The following STAT4 variants were observed in gnomAD, a reference collection of about 807,000 sequenced individuals.
STAT4 encodes the protein signal transducer and activator of transcription 4.
Under a neutral mutation model 110.5 loss-of-function variants are expected in STAT4, and 42 were observed. The observed-to-expected ratio is 0.38, with a 90% CI of 0.30 to 0.49. STAT4 has a LOEUF of 0.49. STAT4 is among the 20% of genes least tolerant of loss of function. The probability of loss-of-function intolerance (pLI) is 0.95; values close to 1 mark genes in which losing one functional copy is unlikely to be tolerated. For missense variants in STAT4, 632 were observed against 887.9 expected (o/e 0.71, Z 3.66); for synonymous variants, 284 against 302.2 (o/e 0.94, Z 0.63).
In STAT4 at chr2:191,121,108, G is replaced by A. The variant is rs560142698; in HGVS notation, c.273+25505C>T. Among the ~76,000 whole-genome samples, 1,493 of 152,202 alleles carry A rather than the reference G, an allele frequency of 9.8e-3. 18 individuals carry two copies. Among genetic ancestry groups the A allele is most frequent in the African/African-American group, 0.023 (963 of 41,544 alleles). On this transcript the variant is annotated intron_variant, in intron 3 of 23. Coordinates refer to ENST00000392320, the MANE Select transcript of STAT4 (RefSeq NM_003151.4). ...CAAACAACCCCATCAAAAAGTGGGC[G>A]AAGGATATGAACAGACACTTCTCAA...
At chr2:191,057,581 C>CTTTTTTTTTTTTTCT (rs1696733878) in intron 13 of STAT4, among the ~76,000 whole-genome samples, 3 of 121,328 alleles carry the variant, frequency 2.5e-5, no homozygotes, top group Non-Finnish European at 5.1e-5. Flanking sequence ...AATTTCTTTT[C>CTTTTTTTTTTTTTCT]TTTTTTTTTT....
intron 1 of STAT4, among the ~76,000 whole-genome samples, 199 bp from the exon 2 acceptor site, chr2:191,148,403 C>T (rs895754408): frequency 6.6e-6 from 1 of 152,060 alleles, no homozygotes; most frequent in Non-Finnish European, 1.5e-5. Context: ...TAAACTACAG[C>T]CTTCCTTGCT....
chr2:191,098,043 C>T (rs1452503603), intron 3 of STAT4, among the ~76,000 whole-genome samples: 1 of 152,090 alleles, frequency 6.6e-6, no homozygotes, highest in Non-Finnish European at 1.5e-5. Context: ...CAGAGAAATC[C>T]AAATCAAAAC....
intron 3 of STAT4, among the ~76,000 whole-genome samples, chr2:191,114,031 A>T (rs527538535): frequency 1.3e-5 from 2 of 152,342 alleles, no homozygotes; most frequent in African/African-American, 4.8e-5. Flanking sequence ...TGTGATATAC[A>T]GGAAGCTGCT....
At chr2:191,045,016 C>T (rs1046403055) in intron 14 of STAT4, among the ~76,000 whole-genome samples, 17 of 151,882 alleles carry the variant, frequency 1.1e-4, no homozygotes, top group Non-Finnish European at 1.9e-4. Flanking sequence ...ATTGAGTAAA[C>T]GAAAATATGT....
rs369239517 is a variant in STAT4 at position 191,142,557 on chromosome 2, A to G, written c.273+4056T>C. ...TCTAACATTCTATAGCAGGGTTAAT[A>G]TAGTTAACAACAATGTAATGTATAT... is the stretch of plus-strand genomic sequence containing the variant. On this transcript the variant is annotated intron_variant, in intron 3 of 23. Coordinates refer to ENST00000392320, the MANE Select transcript of STAT4 (RefSeq NM_003151.4). The surrounding 1 kb of genome is among the most constrained non-coding windows in gnomAD (Gnocchi z 4.1). Among the ~76,000 whole-genome samples the G allele has an allele frequency of 1.4e-4, 22 of 152,196 alleles. No homozygotes were observed. The East Asian group carries it at 4.0e-3, about 28-fold the overall frequency.
In STAT4 at chr2:191,043,604, A is replaced by G. The variant is rs1696267311; in HGVS notation, c.1252-2456T>C. Among the ~76,000 whole-genome samples the G allele has an allele frequency of 6.6e-6, 1 of 152,012 alleles. No homozygotes were observed. The highest frequency in any genetic ancestry group is 6.5e-5 in the Admixed American group (1 of 15,272). ...GCTACCAAATATATATAGGTCAAAG[A>G]TTTTTTGCACTCATTAAAAAAAAAA... On this transcript the variant is annotated intron_variant, in intron 14 of 23. Transcript: ENST00000392320. This position sits in a 1 kb window ranked among gnomAD's most constrained non-coding sequence, Gnocchi z 4.8.
chr2:191,110,079 A>C lies in STAT4; in HGVS notation c.274-33754T>G, dbSNP rs1698384891. Among the ~76,000 whole-genome samples the C allele has an allele frequency of 6.6e-6, 1 of 152,118 alleles. No individual in the cohort carries two copies. The highest frequency in any genetic ancestry group is 2.4e-5 in the African/African-American group (1 of 41,416). ...CTAGGATCCAACCACTGCACCTTCC[A>C]CAGGGCCCTGCATCAGATGCTGGCC... On this transcript the variant is annotated intron_variant, in intron 3 of 23. Coordinates refer to ENST00000392320, the MANE Select transcript of STAT4 (RefSeq NM_003151.4). The surrounding 1 kb of genome is among the most constrained non-coding windows in gnomAD (Gnocchi z 4.5).
intron 14 of STAT4, chr2:191,041,629 A>G (rs1696201105): frequency 6.6e-6 from 1 of 152,240 alleles, no homozygotes; most frequent in Non-Finnish European, 1.5e-5. Context: ...AGACACTCCA[A>G]TAAGGTAATA....
At position 191,046,982 on chromosome 2, in the gene STAT4, GA is replaced by G. The variant is rs1203577533; in HGVS notation, c.1252-5835del. ...GAACCAATCATGTGATTAGGAGTTGGAACTTCTACCCCACTCCCTGACCTCT... is the reference window on the plus strand; with the variant it reads ...GAACCAATCATGTGATTAGGAGTTGGACTTCTACCCCACTCCCTGACCTCT... On this transcript the variant is annotated intron_variant, in intron 14 of 23. Coordinates refer to ENST00000392320, the MANE Select transcript of STAT4 (RefSeq NM_003151.4). The surrounding 1 kb of genome is among the most constrained non-coding windows in gnomAD (Gnocchi z 4.6). Among the ~76,000 whole-genome samples the G allele has an allele frequency of 6.6e-6, 1 of 152,104 alleles. No homozygotes were observed. Among genetic ancestry groups the G allele is most frequent in the Non-Finnish European group, 1.5e-5 (1 of 68,020 alleles).
rs182978027 is a variant in STAT4 at position 191,132,632 on chromosome 2, C to G, written c.273+13981G>C. 3.1e-4 allele frequency among the ~76,000 whole-genome samples: 47 copies of G among 151,592 alleles called. 1 individual carries two copies. The highest frequency in any genetic ancestry group is 2.8e-4 in the Non-Finnish European group (19 of 67,986). ...GAAAATTGGCAGGTGGGGATGGGAA[C>G]GAGAAGTGGAAGCAAATTTAAGAAC... On this transcript the variant is annotated intron_variant, in intron 3 of 23. Coordinates refer to ENST00000392320, the MANE Select transcript of STAT4 (RefSeq NM_003151.4).
At chr2:191,124,463 A>AAC (rs2125399919) in intron 3 of STAT4, among the ~76,000 whole-genome samples, 6 of 151,698 alleles carry the variant, frequency 4.0e-5, no homozygotes, top group African/African-American at 1.5e-4. Flanking sequence ...CAAAAAAAAA[A>AAC]AAAAAAAAAA....
intron 3 of STAT4, among the ~76,000 whole-genome samples, chr2:191,102,851 C>CG (rs1698180507): frequency 1.3e-5 from 2 of 152,142 alleles, no homozygotes; most frequent in Non-Finnish European, 2.9e-5. Flanking sequence ...CATCAATTAT[C>CG]TGTGTGTTGG....
Position 191,083,131 on chromosome 2 carries a change from T to C in STAT4, c.274-6806A>G, listed in dbSNP as rs1697535283. On this transcript the variant is annotated intron_variant, in intron 3 of 23. Transcript: ENST00000392320. The surrounding 1 kb of genome is among the most constrained non-coding windows in gnomAD (Gnocchi z 4.6). ...TAACCAACAACTGTCCTAGCTTGGG[T>C]TTCTTCAGAAACTGACCTTGAGACA... Among the ~76,000 whole-genome samples, 1 of 151,972 alleles carries C rather than the reference T, an allele frequency of 6.6e-6. No homozygotes were observed. The highest frequency in any genetic ancestry group is 2.1e-4 in the South Asian group (1 of 4,814).
chr2:191,097,755 C>T (rs553270935), intron 3 of STAT4, among the ~76,000 whole-genome samples: 2 of 152,074 alleles, frequency 1.3e-5, no homozygotes, highest in Non-Finnish European at 2.9e-5. Flanking sequence ...GCAACAAAAG[C>T]CAAAATAGAC....
intron 3 of STAT4, among the ~76,000 whole-genome samples, chr2:191,098,751 G>A (rs1486453233): frequency 1.3e-5 from 2 of 152,234 alleles, no homozygotes; most frequent in African/African-American, 4.8e-5. Context: ...AGAACTTAAA[G>A]TATAATTTAA....
rs1290708806 is a variant in STAT4, at chr2:191,138,980, T to C, written c.273+7633A>G. The stretch of plus-strand genomic sequence containing the variant: ...AAGTCAATAAATATGATACATTACA[T>C]AAACAGAATTAGAAACAAAACCATA... On this transcript the variant is annotated intron_variant, in intron 3 of 23. Transcript: ENST00000392320. The surrounding 1 kb of genome is among the most constrained non-coding windows in gnomAD (Gnocchi z 4.3). Among the ~76,000 whole-genome samples, 1 of 151,990 alleles carries C rather than the reference T, an allele frequency of 6.6e-6. No individual in the cohort carries two copies. Among genetic ancestry groups the C allele is most frequent in the Non-Finnish European group, 1.5e-5 (1 of 67,988 alleles).
chr2:191,129,017 C>T (rs1165090723), intron 3 of STAT4, among the ~76,000 whole-genome samples: 2 of 152,078 alleles, frequency 1.3e-5, no homozygotes, highest in South Asian at 4.1e-4. Context: ...TGAATTTTTT[C>T]GACTGTGAGC....
In STAT4 at chr2:191,113,346, A is replaced by T. The variant is rs546294003; in HGVS notation, c.273+33267T>A. Among the ~76,000 whole-genome samples the T allele has an allele frequency of 5.0e-4, 76 of 152,264 alleles. No homozygotes were observed. Among genetic ancestry groups the T allele is most frequent in the Non-Finnish European group, 9.8e-4 (67 of 68,028 alleles). On this transcript the variant is annotated intron_variant, in intron 3 of 23. Coordinates refer to ENST00000392320, the MANE Select transcript of STAT4 (RefSeq NM_003151.4). The surrounding 1 kb of genome is among the most constrained non-coding windows in gnomAD (Gnocchi z 4.8). ...CATCTGAACTTGTCTCTTAGTACCT[A>T]TATTACAGTTGTTCCTTTGATCTTG... is the stretch of plus-strand genomic sequence containing the variant.
Sources: allele counts gnomAD v4.1 joint callset (sites outside exome capture counted in the v4.1 genomes callset), GRCh38; gene constraint gnomAD v4.1.1; non-coding constraint Gnocchi (gnomAD v3.1); transcripts MANE v1.5; gene names NCBI Gene and HGNC (gene_info 2026-07-23, HGNC 2026-07-21).